Variants in PCDHGB4 observed in about 807,000 individuals in gnomAD.
PCDHGB4 encodes the protein protocadherin gamma subfamily B, 4.
In PCDHGB4, 38 loss-of-function variants were observed where a neutral mutation model predicts 60.5. The observed-to-expected ratio is 0.63, with a 90% CI of 0.48 to 0.82. PCDHGB4 has a LOEUF of 0.82. Among genes scored for constraint, PCDHGB4 ranks in the 40% least tolerant of loss-of-function variants. PCDHGB4 has a pLI of 0.00. For missense variants in PCDHGB4, 1,109 were observed against 1,209.6 expected (o/e 0.92, Z 1.23); for synonymous variants, 456 against 509.7 (o/e 0.89, Z 1.42).
chr5:141,479,631 A>G (rs191955216), intron 1 of PCDHGB4: 1 of 152,282 alleles, frequency 6.6e-6, no homozygotes, highest in Non-Finnish European at 1.5e-5. Context: ...TCTCTTTAAC[A>G]ATAACAACAA....
intron 1 of PCDHGB4, among the ~76,000 whole-genome samples, chr5:141,467,960 C>T (rs1303642319): frequency 6.6e-6 from 1 of 151,998 alleles, no homozygotes; most frequent in Non-Finnish European, 1.5e-5. Flanking sequence ...CACCCGGCTG[C>T]CAGAAAATTT....
rs748462670 is a variant in PCDHGB4, at chr5:141,478,010, C to T, written c.2398-16797C>T. Reference sequence around the variant, plus strand: ...GCACACTGGTCAAATCAGTACTGCCCGTCCAGTCCAAGACACAGATTCACC... The same window carrying T: ...GCACACTGGTCAAATCAGTACTGCCTGTCCAGTCCAAGACACAGATTCACC... On this transcript the variant is annotated intron_variant, in intron 1 of 3. Coordinates refer to ENST00000519479, the MANE Select transcript of PCDHGB4 (RefSeq NM_003736.4). 9 of 1,614,008 alleles carry T rather than the reference C, an allele frequency of 5.6e-6. No homozygotes were observed. The highest frequency in any genetic ancestry group is 1.7e-5 in the Admixed American group (1 of 59,998).
intron 1 of PCDHGB4, among the ~76,000 whole-genome samples, chr5:141,459,386 T>C (rs1283863283): frequency 6.6e-6 from 1 of 152,260 alleles, no homozygotes; most frequent in African/African-American, 2.4e-5. Context: ...GTGTTCCATT[T>C]GATTGTTGAG....
At chr5:141,435,214 A>G (rs1314928643) in intron 1 of PCDHGB4, among the ~76,000 whole-genome samples, 2 of 152,176 alleles carry the variant, frequency 1.3e-5, no homozygotes, top group South Asian at 2.1e-4. Context: ...AAGTGAATTT[A>G]CTTTCTTTCA....
intron 1 of PCDHGB4, chr5:141,423,804 T>A: frequency 8.1e-7 from 1 of 1,240,508 alleles, no homozygotes; most frequent in Non-Finnish European, 1.0e-6. Context: ...GAGCAATACA[T>A]GTGAGTTTTA....
chr5:141,422,670 C>T, intron 1 of PCDHGB4: 1 of 1,607,244 alleles, frequency 6.2e-7, no homozygotes, highest in Non-Finnish European at 8.5e-7. Flanking sequence ...TCGACCCGGA[C>T]AGCAAACAGA....
rs549047197 is a variant in PCDHGB4, at chr5:141,502,866, C to CTTTTTTTTTTTTTTT, written c.2457-2513_2457-2512insTTTTTTTTTTTTTTT. Reference sequence around the variant, plus strand: ...GAGCTGCCTAACCCTGACTCTCTGTCTTTTTTTTTTTTTTGACAGGGAGTC... The same window carrying CTTTTTTTTTTTTTTT: ...GAGCTGCCTAACCCTGACTCTCTGTCTTTTTTTTTTTTTTTTTTTTTTTTTTTTTGACAGGGAGTC... On this transcript the variant is annotated intron_variant, in intron 2 of 3. Coordinates refer to ENST00000519479, the MANE Select transcript of PCDHGB4 (RefSeq NM_003736.4). 1.1e-4 allele frequency among the ~76,000 whole-genome samples: 14 copies of CTTTTTTTTTTTTTTT among 128,026 alleles called. 3 individuals are homozygous for CTTTTTTTTTTTTTTT. Among genetic ancestry groups the CTTTTTTTTTTTTTTT allele is most frequent in the Admixed American group, 1.7e-4 (2 of 11,664 alleles). The allele number at this position is 128,026 out of a possible 152,430, so 84.0% of individuals were successfully genotyped here.
At chr5:141,419,668 G>A (rs752237614) in intron 1 of PCDHGB4, 1 of 1,612,892 alleles carries the variant, frequency 6.2e-7, no homozygotes, top group East Asian at 2.2e-5. Context: ...ACAATGCCTG[G>A]CTGTCCTACC....
chr5:141,404,555 A>G (rs751841732), intron 1 of PCDHGB4: 1 of 1,613,802 alleles, frequency 6.2e-7, no homozygotes, highest in African/African-American at 1.3e-5. Flanking sequence ...GGTGACGGCA[A>G]GTGACAGTGG....
chr5:141,509,550 T>C (rs1562240751), intron 3 of PCDHGB4, among the ~76,000 whole-genome samples: 1 of 152,142 alleles, frequency 6.6e-6, no homozygotes, highest in Non-Finnish European at 1.5e-5. Flanking sequence ...TCTCATTTAG[T>C]CCTCACAGCA....
chr5:141,404,564 G>A, intron 1 of PCDHGB4: 1 of 1,613,890 alleles, frequency 6.2e-7, no homozygotes. Flanking sequence ...AAGTGACAGT[G>A]GAAGCCCACC....
At chr5:141,407,649 G>A (rs541467957) in intron 1 of PCDHGB4, among the ~76,000 whole-genome samples, 1 of 152,050 alleles carries the variant, frequency 6.6e-6, no homozygotes, top group East Asian at 1.9e-4. Flanking sequence ...AAAATAATGG[G>A]GGAGCGCAGT....
intron 2 of PCDHGB4, among the ~76,000 whole-genome samples, chr5:141,501,719 T>C (rs1024307894): frequency 6.6e-6 from 1 of 152,028 alleles, no homozygotes; most frequent in African/African-American, 2.4e-5. Context: ...AAAAGACAAA[T>C]ATATTACCCA....
Position 141,491,103 on chromosome 5 carries a change from G to T in PCDHGB4, c.2398-3704G>T, listed in dbSNP as rs1190609518. The T allele has an allele frequency of 6.2e-7, 1 of 1,614,162 alleles. No individual in the cohort carries two copies. ...CCACAGCCCCAGGACTGTTCCTCGT[G>T]TCTACACACACTGGTGAGGTGCGCA... On this transcript the variant is annotated intron_variant, in intron 1 of 3. Coordinates refer to ENST00000519479, the MANE Select transcript of PCDHGB4 (RefSeq NM_003736.4). The surrounding 1 kb of genome is among the most constrained non-coding windows in gnomAD (Gnocchi z 6.9).
At chr5:141,481,913 C>CAAAAAA (rs34114744) in intron 1 of PCDHGB4, among the ~76,000 whole-genome samples, 2 of 90,846 alleles carry the variant, frequency 2.2e-5, no homozygotes, top group Non-Finnish European at 4.4e-5. Flanking sequence ...AACTCCATCT[C>CAAAAAA]AAAAAAAAAA....
intron 1 of PCDHGB4, chr5:141,441,209 G>A (rs1276958461): frequency 1.3e-5 from 2 of 152,158 alleles, no homozygotes; most frequent in East Asian, 3.9e-4. Flanking sequence ...TCTGCACCTT[G>A]GACAGTAATC....
At chr5:141,394,513 T>C in intron 1 of PCDHGB4, 1 of 1,614,112 alleles carries the variant, frequency 6.2e-7, no homozygotes, top group Non-Finnish European at 8.5e-7. Flanking sequence ...TACCCCGCCC[T>C]CCCCACAGAC....
At position 141,491,466 on chromosome 5, in the gene PCDHGB4, T is replaced by C; in HGVS notation, c.2398-3341T>C. The C allele has an allele frequency of 6.2e-7, 1 of 1,614,068 alleles. No homozygotes were observed. The highest frequency in any genetic ancestry group is 8.5e-7 in the Non-Finnish European group (1 of 1,179,986). ...AGGACTCACCCTCCCCGGACTTCTA[T>C]AAGCAGTCCAGCCCCAACCTGCAGG... On this transcript the variant is annotated intron_variant, in intron 1 of 3. Transcript: ENST00000519479. The surrounding 1 kb of genome is among the most constrained non-coding windows in gnomAD (Gnocchi z 6.9).
At chr5:141,502,377 C>A (rs748121694) in intron 2 of PCDHGB4, among the ~76,000 whole-genome samples, 14 of 151,904 alleles carry the variant, frequency 9.2e-5, no homozygotes, top group Non-Finnish European at 1.3e-4. Flanking sequence ...AGAGTCCAGG[C>A]CAGTTGTACT....
Sources: gnomAD v4.1 joint callset for allele counts (sites outside exome capture counted in the v4.1 genomes callset) on GRCh38, gnomAD v4.1.1 for gene constraint, Gnocchi (gnomAD v3.1) non-coding constraint, MANE v1.5 for transcripts, NCBI Gene and HGNC (gene_info 2026-07-23, HGNC 2026-07-21) for gene names.